HENMT1: variants seen among roughly 807,000 people sequenced by gnomAD.
HENMT1 encodes HEN methyltransferase 1.
In HENMT1, 27 loss-of-function variants were observed where a neutral mutation model predicts 31.1. That is an observed-to-expected ratio of 0.87 (90% confidence interval 0.64 to 1.20). The LOEUF (loss-of-function observed/expected upper bound fraction) is 1.20. Among genes scored for constraint, HENMT1 ranks in the 50% most tolerant of loss-of-function variants. HENMT1 has a pLI of 0.00. For missense variants in HENMT1, 438 were observed against 469.6 expected, an observed-to-expected ratio of 0.93 and a Z score of 0.62; for synonymous variants, 167 against 172.2, an observed-to-expected ratio of 0.97 and a Z score of 0.24.
chr1:108,653,434 T>G (rs115553122), intron 5 of HENMT1, among the ~76,000 whole-genome samples: 1 of 152,206 alleles, frequency 6.6e-6, no homozygotes, highest in Non-Finnish European at 1.5e-5. Flanking sequence ...ATATAACTGA[T>G]TTCTTTCCTT....
Position 108,651,100 on chromosome 1 carries a change from G to A in HENMT1, c.508C>T (p.Leu170=), listed in dbSNP as rs750057497. ...TCTCTTAAGGTCACTGATGGAAACAGGGGATTGAATTCAGAGTTTGGTGTG... is the reference window on the plus strand; with the variant it reads ...TCTCTTAAGGTCACTGATGGAAACAAGGGATTGAATTCAGAGTTTGGTGTG... ...ISTPNSEFNP[L]FPSVTLRDSD... is the part of the protein sequence containing the mutation. Residue 170 remains leucine (L), a synonymous_variant, in exon 6 of 8, where the codon CTG becomes TTG. Coordinates refer to ENST00000651461, the MANE Select transcript of HENMT1 (RefSeq NM_001102592.2). 1.4e-5 allele frequency: 23 copies of A among 1,613,674 alleles called. No homozygotes were observed. In the Admixed American group the frequency reaches 3.8e-4, roughly 27 times the overall value.
In HENMT1 at chr1:108,648,645, T is replaced by C. The variant is rs1197384343; in HGVS notation, c.1103A>G (p.Asp368Gly). Residue 368 changes from aspartate to glycine, a missense_variant, in exon 8 of 8, where the codon GAC becomes GGC. Coordinates refer to ENST00000651461, the MANE Select transcript of HENMT1 (RefSeq NM_001102592.2). ...NEEMMRSVIADSIPLSSDGSA... is the reference protein window; with the variant it reads ...NEEMMRSVIAGSIPLSSDGSA... ...ACCATCACTGCTCAGAGGAATTGAG[T>C]CAGCAATGACTGATCTCATCATCTC... 1 of 1,614,142 alleles carries C rather than the reference T, an allele frequency of 6.2e-7. No homozygotes were observed.
At chr1:108,652,028 A>T (rs1030285323) in intron 5 of HENMT1, among the ~76,000 whole-genome samples, 1 of 152,228 alleles carries the variant, frequency 6.6e-6, no homozygotes, top group Admixed American at 6.5e-5. Context: ...CATTCTAGAA[A>T]ATAGCACATA....
chr1:108,648,347 A>G lies in HENMT1; in HGVS notation c.*219T>C, dbSNP rs1310971581. 1 of 535,226 alleles carries G rather than the reference A, an allele frequency of 1.9e-6. No individual in the cohort carries two copies. The highest frequency in any genetic ancestry group is 3.3e-6 in the Non-Finnish European group (1 of 304,380). 33.2% of individuals were successfully genotyped at this position (535,226 alleles called of 1,614,324 possible). ...TATTCTTGAGAAAACAAAAAAGTCC[A>G]AAATCAAAGGAAAGCACCCGTTTTA... On this transcript the variant is annotated 3_prime_UTR_variant, in exon 8 of 8. Coordinates refer to ENST00000651461, the MANE Select transcript of HENMT1 (RefSeq NM_001102592.2).
At chr1:108,651,307 T>A in intron 5 of HENMT1, 98 bp from the exon 6 acceptor site, 1 of 995,158 alleles carries the variant, frequency 1.0e-6, no homozygotes, top group South Asian at 1.6e-5. Context: ...TGTGTATCGA[T>A]TTCTCCCTTC....
chr1:108,648,920 G>C lies in HENMT1; in HGVS notation c.828C>G (p.Ser276=), dbSNP rs1458365229. The C allele has an allele frequency of 2.2e-5, 36 of 1,613,874 alleles. No homozygotes were observed. The highest frequency in any genetic ancestry group is 2.7e-5 in the Non-Finnish European group (32 of 1,179,972). The change falls in exon 8 of 8, where the codon TCC becomes TCG. Residue 276 remains serine, a synonymous_variant. Coordinates refer to ENST00000651461, the MANE Select transcript of HENMT1 (RefSeq NM_001102592.2). ...FFKLVLVNEV[S]QQVESLRVSH... is the part of the protein sequence containing the mutation. The stretch of plus-strand genomic sequence containing the variant: ...TCACTCTTAAGCTTTCCACTTGTTG[G>C]GACACCTCATTAACCAACACAAGTT...
chr1:108,650,922 G>A, intron 6 of HENMT1, 108 bp downstream of exon 6: 1 of 751,766 alleles, frequency 1.3e-6, no homozygotes, highest in Non-Finnish European at 2.2e-6. Flanking sequence ...CAATTTTATT[G>A]GAAGAAAGTA....
At chr1:108,655,846 G>T in intron 3 of HENMT1, 148 bp from the exon 4 acceptor site, 51 of 286,676 alleles carry the variant, frequency 1.8e-4, no homozygotes, top group East Asian at 3.0e-4. Context: ...GGCAGAAGAT[G>T]CTACACACAC....
At chr1:108,658,070 TAC>T (rs139208659) in intron 2 of HENMT1, among the ~76,000 whole-genome samples, 7,583 of 139,962 alleles carry the variant, frequency 0.054, 714 homozygotes, top group African/African-American at 0.19. Context: ...CATATATATG[TAC>T]ACACACACAC....
chr1:108,657,546 C>T lies in HENMT1; in HGVS notation c.55G>A (p.Val19Ile). The T allele has an allele frequency of 6.2e-7, 1 of 1,613,494 alleles. No individual in the cohort carries two copies. The highest frequency in any genetic ancestry group is 2.2e-5 in the East Asian group (1 of 44,850). The change falls in exon 3 of 8, where the codon GTT becomes ATT. Residue 19 changes from valine to isoleucine, a missense_variant. By Grantham distance (29) the Val-to-Ile change is conservative (BLOSUM62 3). Coordinates refer to ENST00000651461, the MANE Select transcript of HENMT1 (RefSeq NM_001102592.2). ...SSVVDGNFEE[V>I]PRETAIQFKP... is the part of the protein sequence containing the mutation. ...AACTGAATTGCCGTCTCCCTGGGAA[C>T]TTCTTCAAAATTACCGTCAACCACA...
Position 108,648,809 on chromosome 1 carries a change from G to A in HENMT1, c.939C>T (p.Cys313=). Reference sequence around the variant, plus strand: ...CAACCTCTGTGAAGACTGGTCCAAAGCATGGGACAGGGGCCTTTGAGCCAC... The same window carrying A: ...CAACCTCTGTGAAGACTGGTCCAAAACATGGGACAGGGGCCTTTGAGCCAC... ...DIGGSKAPVP[C]FGPVFTEVEK... Residue 313 remains cysteine, a synonymous_variant, in exon 8 of 8, where the codon TGC becomes TGT. Coordinates refer to ENST00000651461, the MANE Select transcript of HENMT1 (RefSeq NM_001102592.2). The A allele has an allele frequency of 6.2e-7, 1 of 1,614,194 alleles. No individual in the cohort carries two copies. Among genetic ancestry groups the A allele is most frequent in the East Asian group, 2.2e-5 (1 of 44,890 alleles).
chr1:108,653,849 A>C (rs189675303), intron 5 of HENMT1, among the ~76,000 whole-genome samples: 1 of 152,212 alleles, frequency 6.6e-6, no homozygotes. Flanking sequence ...CTCCCATTCT[A>C]TAGGTTCTGT....
At position 108,653,205 on chromosome 1, in the gene HENMT1, G is replaced by A. The variant is rs551490786; in HGVS notation, c.398+1511C>T. Among the ~76,000 whole-genome samples, 3 of 151,836 alleles carry A rather than the reference G, an allele frequency of 2.0e-5. No individual in the cohort carries two copies. The East Asian group carries it at 5.9e-4, about 30-fold the overall frequency. On this transcript the variant is annotated intron_variant, in intron 5 of 7. Coordinates refer to ENST00000651461, the MANE Select transcript of HENMT1 (RefSeq NM_001102592.2). ...ATTTTTTTGTATTTTTACTAGAGAC[G>A]GGGTTTCACCATGTTGGCCAGGCTG...
At chr1:108,655,216 A>G (rs1310874180) in intron 4 of HENMT1, among the ~76,000 whole-genome samples, 1 of 152,192 alleles carries the variant, frequency 6.6e-6, no homozygotes, top group Non-Finnish European at 1.5e-5. Context: ...TATACAAGAG[A>G]TAGGAGAAAT....
chr1:108,650,919 A>T (rs1231014126), intron 6 of HENMT1, 111 bp downstream of exon 6: 1 of 740,448 alleles, frequency 1.4e-6, no homozygotes, highest in Non-Finnish European at 2.2e-6. Context: ...AATCAATTTT[A>T]TTGGAAGAAA....
chr1:108,648,962 C>A lies in HENMT1; in HGVS notation c.786G>T (p.Gln262His). 2 of 1,608,448 alleles carry A rather than the reference C, an allele frequency of 1.2e-6. No homozygotes were observed. ...ACACAAGTTTAAAGAACCTTTCCTGCTGTAAGCTTGGGTATGAGGTGGTAA... is the reference window on the plus strand; with the variant it reads ...ACACAAGTTTAAAGAACCTTTCCTGATGTAAGCTTGGGTATGAGGTGGTAA... ...AVFTTSYPSL[Q>H]QERFFKLVLV... Residue 262 changes from glutamine (Q) to histidine (H), a missense_variant, in exon 8 of 8, where the codon CAG becomes CAT. Coordinates refer to ENST00000651461, the MANE Select transcript of HENMT1 (RefSeq NM_001102592.2).
In HENMT1 at chr1:108,648,752, G is replaced by A; in HGVS notation, c.996C>T (p.Pro332=). The change falls in exon 8 of 8, where the codon CCC becomes CCT. Residue 332 remains proline (P), a synonymous_variant. Transcript: ENST00000651461. ...CGAAAAATTTATCTCCAACACAGAA[G>A]GGTGTGGGAGAGTTCTCTATCTTGG... ...EKAKIENSPT[P]FCVGDKFFVP... The A allele has an allele frequency of 6.2e-7, 1 of 1,614,176 alleles. No homozygotes were observed. Among genetic ancestry groups the A allele is most frequent in the Non-Finnish European group, 8.5e-7 (1 of 1,180,000 alleles).
intron 7 of HENMT1, among the ~76,000 whole-genome samples, chr1:108,649,639 G>A (rs953045450): frequency 1.3e-5 from 2 of 152,072 alleles, no homozygotes; most frequent in African/African-American, 4.8e-5. Context: ...TTTTTAAAGA[G>A]GGGGAGGAAG....
In HENMT1 at chr1:108,648,898, C is replaced by T. The variant is rs1411876871; in HGVS notation, c.850G>A (p.Val284Met). Reference protein sequence around the residue: ...EVSQQVESLRVSHLPRRKEQA... With the variant: ...EVSQQVESLRMSHLPRRKEQA... The stretch of plus-strand genomic sequence containing the variant: ...TCTTTCCGCCTTGGCAGGTGGCTCA[C>T]TCTTAAGCTTTCCACTTGTTGGGAC... Residue 284 changes from valine to methionine, a missense_variant, in exon 8 of 8, where the codon GTG becomes ATG. Transcript: ENST00000651461. 1.1e-5 allele frequency: 17 copies of T among 1,614,216 alleles called. No individual in the cohort carries two copies. The highest frequency in any genetic ancestry group is 1.4e-5 in the Non-Finnish European group (16 of 1,180,032).
Sources: gnomAD v4.1 joint callset for allele counts (sites outside exome capture counted in the v4.1 genomes callset) on GRCh38, gnomAD v4.1.1 for gene constraint, MANE v1.5 for transcripts, NCBI Gene and HGNC (gene_info 2026-07-23, HGNC 2026-07-21) for gene names.